Variants in MOB3A observed in about 807,000 individuals in gnomAD.
MOB3A encodes MOB LAK.
In MOB3A, 17 loss-of-function variants were observed where a neutral mutation model predicts 17.8. The observed-to-expected ratio is 0.95, with a 90% CI of 0.65 to 1.43. MOB3A has a LOEUF of 1.43. MOB3A is among the 40% of genes most tolerant of loss of function. MOB3A has a pLI of 0.00. For missense variants in MOB3A, 333 were observed against 310.8 expected (o/e 1.07, Z -0.54); for synonymous variants, 124 against 133.2 (o/e 0.93, Z 0.48).
At chr19:2,073,472 G>A in intron 4 of MOB3A, 48 bp from the exon 5 acceptor site, 1 of 1,612,598 alleles carries the variant, frequency 6.2e-7, no homozygotes, top group East Asian at 2.2e-5. Context: ...ACTCCTAAAA[G>A]GGGTGATGCG....
intron 2 of MOB3A, among the ~76,000 whole-genome samples, chr19:2,080,862 C>T (rs1188263827): frequency 6.6e-6 from 1 of 152,164 alleles, no homozygotes; most frequent in Non-Finnish European, 1.5e-5. Flanking sequence ...AAGGTGTGGA[C>T]AGGCCGGGTG....
chr19:2,074,825 C>G (rs187236944), intron 4 of MOB3A, among the ~76,000 whole-genome samples: 2 of 152,060 alleles, frequency 1.3e-5, no homozygotes, highest in Non-Finnish European at 2.9e-5. Context: ...TCAAGTGATT[C>G]TTCTGCCTCA....
chr19:2,081,605 G>A (rs968425687), intron 2 of MOB3A, among the ~76,000 whole-genome samples: 2 of 151,392 alleles, frequency 1.3e-5, no homozygotes, highest in Non-Finnish European at 2.9e-5. Flanking sequence ...AACAAAACAG[G>A]CCTGGCGCGG....
rs373354405 is a variant in MOB3A at position 2,086,637 on chromosome 19, C to T, written c.-273-1309G>A. Among the ~76,000 whole-genome samples the T allele has an allele frequency of 3.2e-4, 48 of 152,128 alleles. No individual in the cohort carries two copies. The South Asian group carries it at 8.9e-3, about 28-fold the overall frequency. On this transcript the variant is annotated intron_variant, in intron 1 of 4. Transcript: ENST00000357066. ...CCTCCCAAAGTGCTGGGATTACAGG[C>T]GTGAGCCAGCATGCCTGGCCTGAGG...
chr19:2,095,177 AAAAC>A (rs139411390), intron 1 of MOB3A: 30,062 of 152,056 alleles, frequency 0.2, 3,442 homozygotes, highest in African/African-American at 0.33. Flanking sequence ...CTCCGTCTCA[AAAAC>A]AAACAAACAA....
At chr19:2,081,642 T>G (rs1405336820) in intron 2 of MOB3A, among the ~76,000 whole-genome samples, 2 of 151,744 alleles carry the variant, frequency 1.3e-5, no homozygotes, top group Non-Finnish European at 2.9e-5. Context: ...TCCCAGCACT[T>G]TGAGAGGCTG....
intron 4 of MOB3A, among the ~76,000 whole-genome samples, chr19:2,074,327 G>C (rs922278707): frequency 6.6e-5 from 10 of 151,966 alleles, no homozygotes; most frequent in Admixed American, 2.6e-4. Context: ...GCAGTTTGCT[G>C]ATCCCTGTCT....
chr19:2,078,458 CCTTCTTGTGCAG>C lies in MOB3A; in HGVS notation c.91_102del (p.Leu31_Lys34del), dbSNP rs1236394649. The C allele has an allele frequency of 3.7e-6, 6 of 1,612,720 alleles. No individual in the cohort carries two copies. Among genetic ancestry groups the C allele is most frequent in the Non-Finnish European group, 5.1e-6 (6 of 1,179,094 alleles). On this transcript the variant is annotated inframe_deletion, in exon 3 of 5. Coordinates refer to ENST00000357066, the MANE Select transcript of MOB3A (RefSeq NM_130807.3). ...AGCCCGGCGTTCAGCGACGCCTGCG[CCTTCTTGTGCAG>C]CTCGAAGCGCTGGGTGCCTGGCTCA...
Position 2,076,962 on chromosome 19 carries a change from C to A in MOB3A, c.473G>T (p.Arg158Leu). Reference protein sequence around the residue: ...FLQTVRKILSRLFRVFVHVYI... With the variant: ...FLQTVRKILSLLFRVFVHVYI... ...GACGTGCACGAACACGCGGAACAGC[C>A]GCGACAGGATCTTCCGCACCGTCTG... is the stretch of plus-strand genomic sequence containing the variant. The change falls in exon 4 of 5, where the codon CGG (arginine) becomes CTG (leucine). Residue 158 changes from arginine to leucine, a missense_variant. By Grantham distance (102) the Arg-to-Leu change is moderately radical (BLOSUM62 -2). Coordinates refer to ENST00000357066, the MANE Select transcript of MOB3A (RefSeq NM_130807.3). 1 of 1,613,890 alleles carries A rather than the reference C, an allele frequency of 6.2e-7. No homozygotes were observed. Among genetic ancestry groups the A allele is most frequent in the Non-Finnish European group, 8.5e-7 (1 of 1,180,008 alleles).
At chr19:2,092,061 C>A (rs974586893) in intron 1 of MOB3A, among the ~76,000 whole-genome samples, 1 of 145,190 alleles carries the variant, frequency 6.9e-6, no homozygotes, top group African/African-American at 2.5e-5. Flanking sequence ...AAATAAGGAA[C>A]TATTGTGTCT....
intron 1 of MOB3A, among the ~76,000 whole-genome samples, chr19:2,088,988 A>G (rs2017583790): frequency 6.6e-6 from 1 of 152,218 alleles, no homozygotes; most frequent in Admixed American, 6.5e-5. Flanking sequence ...TCAGAGGCTC[A>G]AACGTGTATC....
intron 1 of MOB3A, among the ~76,000 whole-genome samples, chr19:2,087,897 G>A (rs375096991): frequency 4.6e-5 from 7 of 152,208 alleles, no homozygotes; most frequent in African/African-American, 1.2e-4. Flanking sequence ...GGGCACCACC[G>A]ACTTGGCACC....
rs2017442788 is a variant in MOB3A, at chr19:2,078,396, C to G, written c.165G>C (p.Glu55Asp). 1.2e-6 allele frequency: 2 copies of G among 1,614,052 alleles called. No homozygotes were observed. The highest frequency in any genetic ancestry group is 1.7e-6 in the Non-Finnish European group (2 of 1,180,034). The stretch of plus-strand genomic sequence containing the variant: ...GAACAGCCACCCAGTCGTTCAGGTC[C>G]TCGCCCGGGGGCAACTGCACGGCCA... Reference protein sequence around the residue: ...LRLAVQLPPGEDLNDWVAVHV... With the variant: ...LRLAVQLPPGDDLNDWVAVHV... The change falls in exon 3 of 5, where the codon GAG (glutamate) becomes GAC (aspartate). Residue 55 changes from glutamate to aspartate, a missense_variant. Physicochemically the swap from Glu to Asp is conservative, Grantham distance 45. Coordinates refer to ENST00000357066, the MANE Select transcript of MOB3A (RefSeq NM_130807.3).
At chr19:2,079,148 G>A (rs765480553) in intron 2 of MOB3A, among the ~76,000 whole-genome samples, 2 of 152,256 alleles carry the variant, frequency 1.3e-5, no homozygotes, top group Non-Finnish European at 1.5e-5. Context: ...TGCGCGTGGC[G>A]AGGCCTGACC....
intron 2 of MOB3A, among the ~76,000 whole-genome samples, chr19:2,079,700 G>A (rs372099930): frequency 6.6e-6 from 1 of 152,218 alleles, no homozygotes; most frequent in East Asian, 1.9e-4. Context: ...CTGTGCCCAA[G>A]TCACTGGTCA....
At chr19:2,086,451 C>T (rs573155624) in intron 1 of MOB3A, among the ~76,000 whole-genome samples, 2 of 151,988 alleles carry the variant, frequency 1.3e-5, no homozygotes, top group East Asian at 1.9e-4. Flanking sequence ...ACCTCTGCCT[C>T]CTGGGTTCAA....
intron 1 of MOB3A, among the ~76,000 whole-genome samples, chr19:2,087,959 T>C (rs1276730330): frequency 6.6e-6 from 1 of 152,200 alleles, no homozygotes; most frequent in African/African-American, 2.4e-5. Context: ...GCAGGAGCCA[T>C]GCTCTGAGCC....
chr19:2,076,165 C>T (rs1012061466), intron 4 of MOB3A, among the ~76,000 whole-genome samples: 3 of 150,910 alleles, frequency 2.0e-5, no homozygotes, highest in African/African-American at 7.3e-5. Flanking sequence ...ACAGTGGCTC[C>T]CGCCTGTAAT....
At chr19:2,079,597 A>G (rs1476343010) in intron 2 of MOB3A, among the ~76,000 whole-genome samples, 1 of 152,196 alleles carries the variant, frequency 6.6e-6, no homozygotes, top group Non-Finnish European at 1.5e-5. Flanking sequence ...CCTCGGCCTC[A>G]GAGGGACCCA....
Sources: allele counts gnomAD v4.1 joint callset (sites outside exome capture counted in the v4.1 genomes callset), GRCh38; gene constraint gnomAD v4.1.1; transcripts MANE v1.5; gene names NCBI Gene and HGNC (gene_info 2026-07-23, HGNC 2026-07-21).